MYOM3: variants seen among roughly 807,000 people sequenced by gnomAD.
MYOM3 encodes myomesin-3.
MYOM3 carries 155 observed loss-of-function variants against 191.7 expected under a neutral mutation model. The observed-to-expected ratio is 0.81, with a 90% CI of 0.71 to 0.92. The LOEUF (loss-of-function observed/expected upper bound fraction) is 0.92. Among genes scored for constraint, MYOM3 ranks in the 40% least tolerant of loss-of-function variants. MYOM3 has a pLI of 0.00. For synonymous variants in MYOM3, 757 were observed against 762.9 expected (o/e 0.99, Z 0.13); for missense variants, 1,889 against 1,890.6 (o/e 1.00, Z 0.02).
chr1:24,067,113 C>T lies in MYOM3; in HGVS notation c.3356-25G>A, dbSNP rs1643446689. 1.9e-6 allele frequency: 3 copies of T among 1,561,154 alleles called. No homozygotes were observed. The South Asian group carries it at 3.5e-5, about 18-fold the overall frequency. On this transcript the variant is annotated intron_variant, in intron 27 of 36. Transcript: ENST00000374434. Reference sequence around the variant, plus strand: ...CCTGTGCGTGCAAAACAAATGTGCCCACTGTCAGAGAGCCAGGCTCAGCCA... The same window carrying T: ...CCTGTGCGTGCAAAACAAATGTGCCTACTGTCAGAGAGCCAGGCTCAGCCA...
intron 21 of MYOM3, among the ~76,000 whole-genome samples, chr1:24,075,689 T>C (rs114254770): frequency 0.011 from 1,689 of 152,270 alleles, 17 homozygotes; most frequent in Middle Eastern, 0.027. Flanking sequence ...TAGCTAAGCA[T>C]CCTATCACCC....
In MYOM3 at chr1:24,075,382, C is replaced by T; in HGVS notation, c.2795G>A (p.Trp932Ter). 6.2e-7 allele frequency: 1 copy of T among 1,612,516 alleles called. No homozygotes were observed. The highest frequency in any genetic ancestry group is 8.5e-7 in the Non-Finnish European group (1 of 1,179,666). ...PEAPDSSEFQ[W>*]SKDYKGPLDP... ...CAGTGGGCCCTTGTAGTCTTTGGAC[C>T]ACTGAAACTCTGAGGAGTCGGGGGC... The change falls in exon 22 of 37, where the codon TGG becomes TAG. Residue 932 changes from tryptophan to a stop codon, truncating the protein, a stop_gained. Transcript: ENST00000374434. LOFTEE classifies it high-confidence loss of function.
chr1:24,071,725 C>G (rs1052714196), intron 24 of MYOM3, among the ~76,000 whole-genome samples: 2 of 152,176 alleles, frequency 1.3e-5, no homozygotes, highest in South Asian at 2.1e-4. Flanking sequence ...GACTAAAGAG[C>G]CAATAACAGT....
chr1:24,106,032 A>G lies in MYOM3; in HGVS notation c.448T>C (p.Tyr150His). 1 of 1,613,808 alleles carries G rather than the reference A, an allele frequency of 6.2e-7. No individual in the cohort carries two copies. The highest frequency in any genetic ancestry group is 8.5e-7 in the Non-Finnish European group (1 of 1,179,966). Residue 150 changes from tyrosine (Y) to histidine (H), a missense_variant, in exon 5 of 37, where the codon TAC (tyrosine) becomes CAC (histidine). Physicochemically the swap from Tyr to His is moderately conservative, Grantham distance 83. Coordinates refer to ENST00000374434, the MANE Select transcript of MYOM3 (RefSeq NM_152372.4). ...QEAKELRELC[Y>H]GRGPWFWIPL... ...ATCCAGAACCAGGGCCCGCGGCCGTAGCACAGCTCCCTCAGCTCCTTGGCC... is the reference window on the plus strand; with the variant it reads ...ATCCAGAACCAGGGCCCGCGGCCGTGGCACAGCTCCCTCAGCTCCTTGGCC...
Position 24,086,837 on chromosome 1 carries a change from C to T in MYOM3, c.1615-10G>A, listed in dbSNP as rs1643755028. On this transcript the variant is annotated splice_polypyrimidine_tract_variant and intron_variant, in intron 14 of 36. Transcript: ENST00000374434. ...CACTACCTATGACTGACTGAAGAAA[C>T]AGAGGGACTCACATTGGCTAACTGG... 1 of 1,612,782 alleles carries T rather than the reference C, an allele frequency of 6.2e-7. No homozygotes were observed. Among genetic ancestry groups the T allele is most frequent in the Non-Finnish European group, 8.5e-7 (1 of 1,179,206 alleles).
intron 19 of MYOM3, among the ~76,000 whole-genome samples, chr1:24,080,785 G>A (rs1310529689): frequency 6.6e-6 from 1 of 152,206 alleles, no homozygotes; most frequent in Admixed American, 6.5e-5. Flanking sequence ...CTGCCACTGA[G>A]GTAGAGGTTT....
intron 25 of MYOM3, among the ~76,000 whole-genome samples, 161 bp downstream of exon 25, chr1:24,070,956 A>G (rs760149780): frequency 6.6e-6 from 1 of 151,466 alleles, no homozygotes; most frequent in Non-Finnish European, 1.5e-5. Context: ...ACTAAGAGCC[A>G]AATGTTCCCA....
At chr1:24,068,531 TC>T (rs951062995) in intron 25 of MYOM3, among the ~76,000 whole-genome samples, 164 bp from the exon 26 acceptor site, 2 of 151,916 alleles carry the variant, frequency 1.3e-5, no homozygotes, top group Admixed American at 6.6e-5. Flanking sequence ...CCACACCTAG[TC>T]CCCCGGGGTG....
At position 24,107,163 on chromosome 1, in the gene MYOM3, G is replaced by A. The variant is rs971442886; in HGVS notation, c.312C>T (p.Phe104=). Residue 104 remains phenylalanine (F), a synonymous_variant, in exon 4 of 37, where the codon TTC becomes TTT. Coordinates refer to ENST00000374434, the MANE Select transcript of MYOM3 (RefSeq NM_152372.4). ...LEERGQKRVG[F]GNDWERTEIA... is the part of the protein sequence containing the mutation. ...TCTCAGTCCTCTCCCAGTCATTGCC[G>A]AAGCCCACCCGCTTCTGCCCTCGCT... The A allele has an allele frequency of 2.0e-5, 32 of 1,611,616 alleles. 1 individual carries two copies. In the African/African-American group the frequency reaches 2.4e-4, roughly 12 times the overall value.
chr1:24,066,144 T>C (rs762878115), intron 28 of MYOM3, 143 bp from the exon 29 acceptor site: 42 of 729,920 alleles, frequency 5.8e-5, no homozygotes, highest in African/African-American at 1.0e-4. Context: ...CTCTGAATTC[T>C]TGCTAATGGT....
intron 5 of MYOM3, among the ~76,000 whole-genome samples, chr1:24,104,885 C>T (rs1643969378): frequency 6.6e-6 from 1 of 152,174 alleles, no homozygotes; most frequent in Non-Finnish European, 1.5e-5. Context: ...GGATAGATGA[C>T]ACCCTCAGTA....
intron 32 of MYOM3, 82 bp from the exon 33 acceptor site, chr1:24,062,191 G>T: frequency 6.5e-7 from 1 of 1,529,138 alleles, no homozygotes; most frequent in Non-Finnish European, 8.9e-7. Context: ...CTCTCCTCTG[G>T]TTTTGTTTTG....
intron 20 of MYOM3, among the ~76,000 whole-genome samples, chr1:24,079,225 G>C (rs1570867010): frequency 6.6e-6 from 1 of 152,036 alleles, no homozygotes; most frequent in East Asian, 1.9e-4. Flanking sequence ...TTTGAGACAG[G>C]GTCTTGCTCT....
intron 1 of MYOM3, among the ~76,000 whole-genome samples, chr1:24,110,396 G>A (rs1223551852): frequency 6.6e-6 from 1 of 152,060 alleles, no homozygotes; most frequent in African/African-American, 2.4e-5. Context: ...GCATGTGTAG[G>A]CTGTCTTCTG....
intron 7 of MYOM3, among the ~76,000 whole-genome samples, chr1:24,096,257 C>A (rs1289066500): frequency 2.0e-5 from 3 of 152,132 alleles, no homozygotes; most frequent in African/African-American, 7.2e-5. Flanking sequence ...GGGCTCCTGT[C>A]CCCCAGGCCA....
At chr1:24,108,321 A>C in intron 2 of MYOM3, 155 bp downstream of exon 2, 2 of 881,286 alleles carry the variant, frequency 2.3e-6, no homozygotes, top group East Asian at 5.7e-5. Flanking sequence ...CAGAGAGCCA[A>C]TTGTGTCTCC....
At chr1:24,080,273 G>A (rs1643651362) in intron 19 of MYOM3, 79 bp from the exon 20 acceptor site, 3 of 1,174,642 alleles carry the variant, frequency 2.6e-6, no homozygotes, top group African/African-American at 3.1e-5. Context: ...AAGCCCAGCA[G>A]TCAGTCAACA....
At chr1:24,089,418 C>T in intron 14 of MYOM3, 120 bp downstream of exon 14, 4 of 1,332,888 alleles carry the variant, frequency 3.0e-6, no homozygotes, top group Non-Finnish European at 4.0e-6. Flanking sequence ...ATGCCTGGGC[C>T]CTTCTGGCCA....
intron 16 of MYOM3, chr1:24,084,187 AG>A: frequency 2.7e-6 from 1 of 377,128 alleles, no homozygotes; most frequent in Admixed American, 4.3e-5. Flanking sequence ...TTGTCAAGAT[AG>A]GGAGCAAGTT....
Sources: gnomAD v4.1 joint callset for allele counts (sites outside exome capture counted in the v4.1 genomes callset) on GRCh38, gnomAD v4.1.1 for gene constraint, MANE v1.5 for transcripts, NCBI Gene and HGNC (gene_info 2026-07-23, HGNC 2026-07-21) for gene names.